Variants in ZC3H15 observed in about 807,000 individuals in gnomAD.
ZC3H15 encodes zinc finger CCCH-type containing 15.
A neutral mutation model predicts 51.2 loss-of-function variants in ZC3H15; 15 were observed. The ratio of observed to expected loss-of-function variants is 0.29; its 90% CI spans 0.20 to 0.45. The LOEUF is 0.45. Among genes scored for constraint, ZC3H15 ranks in the 20% least tolerant of loss-of-function variants. The pLI is 1.00. For synonymous variants in ZC3H15, 144 were observed against 162.8 expected (o/e 0.88, Z 0.88); for missense variants, 381 against 494.7 (o/e 0.77, Z 2.18).
In ZC3H15 at chr2:186,486,315, C is replaced by G. The variant is rs1207245752; in HGVS notation, c.-68C>G. ...GGCCCCGGTCTTCCTCCTCGTCCTG[C>G]CGCAGGGCCAGAACCCCTGACGGTA... On this transcript the variant is annotated 5_prime_UTR_variant, in exon 1 of 10. Coordinates refer to ENST00000337859, the MANE Select transcript of ZC3H15 (RefSeq NM_018471.3). 1 of 1,406,790 alleles carries G rather than the reference C, an allele frequency of 7.1e-7. No homozygotes were observed. Among genetic ancestry groups the G allele is most frequent in the African/African-American group, 1.5e-5 (1 of 68,192 alleles). The allele number at this position is 1,406,790 out of a possible 1,614,324, so 87.1% of individuals were successfully genotyped here.
At chr2:186,497,454 C>T (rs758227316) in intron 2 of ZC3H15, among the ~76,000 whole-genome samples, 3 of 152,132 alleles carry the variant, frequency 2.0e-5, no homozygotes, top group Non-Finnish European at 2.9e-5. Flanking sequence ...GAGGCCGGGG[C>T]GGGCAGATCA....
At chr2:186,508,510 C>T in intron 9 of ZC3H15, 33 bp from the exon 10 acceptor site, 1 of 1,597,962 alleles carries the variant, frequency 6.3e-7, no homozygotes, top group Non-Finnish European at 8.6e-7. Flanking sequence ...TTTTCTGCTT[C>T]TACGCCTTAC....
At chr2:186,495,796 C>T (rs1685271930) in intron 2 of ZC3H15, among the ~76,000 whole-genome samples, 1 of 152,186 alleles carries the variant, frequency 6.6e-6, no homozygotes, top group Admixed American at 6.5e-5. Flanking sequence ...TTCACATTTT[C>T]ATTTGTAGTA....
intron 4 of ZC3H15, 63 bp from the exon 5 acceptor site, chr2:186,502,430 AAGG>A (rs1685400702): frequency 1.5e-6 from 2 of 1,335,712 alleles, no homozygotes; most frequent in African/African-American, 2.9e-5. Context: ...ATTAGTGTCT[AAGG>A]AGATATGTGT....
rs1685456755 is a variant in ZC3H15, at chr2:186,505,767, C to T, written c.892C>T (p.Arg298Cys). 1.9e-6 allele frequency: 3 copies of T among 1,614,020 alleles called. No individual in the cohort carries two copies. The highest frequency in any genetic ancestry group is 2.5e-6 in the Non-Finnish European group (3 of 1,179,964). ...VISGREVFEF[R>C]PELVNDDDEE... ...CAGTGGTCGTGAAGTGTTTGAATTTCGTCCTGAACTGGTCAATGATGATGA... is the reference window on the plus strand; with the variant it reads ...CAGTGGTCGTGAAGTGTTTGAATTTTGTCCTGAACTGGTCAATGATGATGA... Residue 298 changes from arginine (R) to cysteine (C), a missense_variant, in exon 8 of 10, where the codon CGT (arginine) becomes TGT (cysteine). By Grantham distance (180) the Arg-to-Cys change is radical. Coordinates refer to ENST00000337859, the MANE Select transcript of ZC3H15 (RefSeq NM_018471.3).
chr2:186,508,469 C>T, intron 9 of ZC3H15, 74 bp from the exon 10 acceptor site: 1 of 1,307,550 alleles, frequency 7.6e-7, no homozygotes, highest in South Asian at 1.3e-5. Flanking sequence ...TAGTATCAGT[C>T]TATGTTGTCT....
chr2:186,505,908 A>C, intron 8 of ZC3H15, 67 bp downstream of exon 8: 1 of 1,517,190 alleles, frequency 6.6e-7, no homozygotes, highest in Non-Finnish European at 9.0e-7. Context: ...ATACCACAAC[A>C]TGGTTAAGAG....
At chr2:186,505,998 T>C (rs1559013052) in intron 8 of ZC3H15, 157 bp downstream of exon 8, 1 of 738,908 alleles carries the variant, frequency 1.4e-6, no homozygotes, top group Non-Finnish European at 2.4e-6. Flanking sequence ...TCCACCCTCA[T>C]CTAATATGGA....
chr2:186,491,470 G>T (rs1035007384), intron 1 of ZC3H15, among the ~76,000 whole-genome samples: 20 of 152,152 alleles, frequency 1.3e-4, no homozygotes, highest in African/African-American at 4.6e-4. Flanking sequence ...GCAAGTAACT[G>T]TGCCAGGGAT....
chr2:186,505,860 C>T lies in ZC3H15; in HGVS notation c.966+19C>T. 6.2e-7 allele frequency: 1 copy of T among 1,608,236 alleles called. No individual in the cohort carries two copies. Among genetic ancestry groups the T allele is most frequent in the Non-Finnish European group, 8.5e-7 (1 of 1,175,806 alleles). On this transcript the variant is annotated intron_variant, in intron 8 of 9. Transcript: ENST00000337859. ...TGATGAGGTAAGAGGAAGCTTTGTGCCTCATCTCCTTATGTTAATTGAAAG... is the reference window on the plus strand; with the variant it reads ...TGATGAGGTAAGAGGAAGCTTTGTGTCTCATCTCCTTATGTTAATTGAAAG...
rs901220287 is a variant in ZC3H15, at chr2:186,505,451, C to T, written c.718C>T (p.Arg240Cys). The T allele has an allele frequency of 1.9e-5, 29 of 1,536,032 alleles. No homozygotes were observed. Among genetic ancestry groups the T allele is most frequent in the Middle Eastern group, 1.8e-4 (1 of 5,708 alleles). ...AAAAATTAATTCTTTACCATTGCAG[C>T]GTTCTGCCCTAGGTCCAAATGTTAC... is the stretch of plus-strand genomic sequence containing the variant. ...ISLEDLIERE[R>C]SALGPNVTKI... Residue 240 changes from arginine (R) to cysteine (C), a missense_variant and splice_region_variant, in exon 7 of 10, where the codon CGT becomes TGT. Physicochemically the swap from Arg to Cys is radical, Grantham distance 180 (BLOSUM62 -3). Transcript: ENST00000337859.
At position 186,509,210 on chromosome 2, in the gene ZC3H15, T is replaced by C. The variant is rs1031593825; in HGVS notation, c.*477T>C. 2 of 278,018 alleles carry C rather than the reference T, an allele frequency of 7.2e-6. No homozygotes were observed. The highest frequency in any genetic ancestry group is 3.6e-5 in the South Asian group (1 of 27,558). The allele number at this position is 278,018 out of a possible 1,614,324, so 17.2% of individuals were successfully genotyped here. ...CTGCGTATGCAGATTCAGTATTGTG[T>C]ATCTTTGGACAATTAGATGGACATT... On this transcript the variant is annotated 3_prime_UTR_variant, in exon 10 of 10. Transcript: ENST00000337859.
At chr2:186,487,731 C>T (rs1336898662) in intron 1 of ZC3H15, among the ~76,000 whole-genome samples, 1 of 152,110 alleles carries the variant, frequency 6.6e-6, no homozygotes, top group Non-Finnish European at 1.5e-5. Context: ...TTATGAAAAC[C>T]AAGGACATTT....
In ZC3H15 at chr2:186,495,222, T is replaced by G. The variant is rs760708703; in HGVS notation, c.76-11T>G. On this transcript the variant is annotated splice_polypyrimidine_tract_variant and intron_variant, in intron 1 of 9. Transcript: ENST00000337859. ...AATTGCTAAGATATTTCTGTGCTCT[T>G]TCTCATGTAGGACAAAACTTTCGGT... The G allele has an allele frequency of 2.0e-6, 3 of 1,524,810 alleles. No individual in the cohort carries two copies. The African/African-American group carries it at 4.3e-5, about 22-fold the overall frequency. 94.5% of individuals were successfully genotyped at this position (1,524,810 alleles called of 1,614,324 possible). A position where few individuals can be genotyped will look rare whatever the true frequency, so the allele number is the denominator to read the frequency against.
chr2:186,503,174 T>G (rs1437513322), intron 5 of ZC3H15, among the ~76,000 whole-genome samples: 2 of 152,134 alleles, frequency 1.3e-5, no homozygotes, highest in Admixed American at 1.3e-4. Context: ...TACACATCTG[T>G]TATGTTTGTT....
chr2:186,504,409 A>G lies in ZC3H15; in HGVS notation c.717+195A>G, dbSNP rs80187140. ...TAGCCATAAACATTAGCCAATCATG[A>G]CATTAATTTTAGGATTGTGAAACAG... On this transcript the variant is annotated intron_variant, in intron 6 of 9. Coordinates refer to ENST00000337859, the MANE Select transcript of ZC3H15 (RefSeq NM_018471.3). Among the ~76,000 whole-genome samples the G allele has an allele frequency of 9.5e-3, 1,452 of 152,326 alleles. 25 individuals carry two copies. Among genetic ancestry groups the G allele is most frequent in the African/African-American group, 0.033 (1,366 of 41,568 alleles).
intron 2 of ZC3H15, among the ~76,000 whole-genome samples, chr2:186,498,760 T>C (rs1284340540): frequency 6.6e-6 from 1 of 152,198 alleles, no homozygotes; most frequent in Non-Finnish European, 1.5e-5. Context: ...TCCCATTTTA[T>C]GTTGATTTTC....
At chr2:186,502,798 C>T (rs1685407743) in intron 5 of ZC3H15, among the ~76,000 whole-genome samples, 1 of 152,062 alleles carries the variant, frequency 6.6e-6, no homozygotes. Flanking sequence ...AAGAATAAAA[C>T]TATGTTACTG....
At chr2:186,507,608 G>A (rs1204914257) in intron 9 of ZC3H15, 7 of 363,134 alleles carry the variant, frequency 1.9e-5, no homozygotes, top group African/African-American at 1.5e-4. Flanking sequence ...ATTGTGCCTT[G>A]AGTTAGGTAC....
Sources: allele counts gnomAD v4.1 joint callset (sites outside exome capture counted in the v4.1 genomes callset), GRCh38; gene constraint gnomAD v4.1.1; transcripts MANE v1.5; gene names NCBI Gene and HGNC (gene_info 2026-07-23, HGNC 2026-07-21).